Variants in ARMC2 observed in about 807,000 individuals in gnomAD.
The protein encoded by ARMC2 is armadillo repeat containing 2.
In ARMC2, 67 loss-of-function variants were observed where a neutral mutation model predicts 90.3. The observed-to-expected ratio is 0.74, with a 90% CI of 0.61 to 0.91. The LOEUF is 0.91. Among genes scored for constraint, ARMC2 ranks in the 40% least tolerant of loss-of-function variants. The pLI, the probability that ARMC2 is intolerant of heterozygous loss-of-function variation, is 0.00. For synonymous variants in ARMC2, 393 were observed against 393.0 expected (o/e 1.00, Z 0.00); for missense variants, 920 against 1,030.9 (o/e 0.89, Z 1.47).
chr6:108,955,133 A>T (rs947323760), intron 13 of ARMC2, among the ~76,000 whole-genome samples: 2 of 152,330 alleles, frequency 1.3e-5, no homozygotes, highest in Admixed American at 6.5e-5. Context: ...CTCCAAATAC[A>T]GTCACATTGA....
the ARMC2 span, among the ~76,000 whole-genome samples, chr6:108,997,907 T>C: frequency 6.6e-6 from 1 of 152,124 alleles, no homozygotes; most frequent in Non-Finnish European, 1.5e-5. Flanking sequence ...TTGCTCTGTT[T>C]CAAAGGAGTA....
At chr6:108,862,105 A>T (rs1286603729) in intron 3 of ARMC2, among the ~76,000 whole-genome samples, 1 of 152,090 alleles carries the variant, frequency 6.6e-6, no homozygotes, top group Non-Finnish European at 1.5e-5. Context: ...GCATTTTGGG[A>T]GGCTGAAGTG....
In ARMC2 at chr6:108,974,273, T is replaced by C. The variant is rs1301980318; in HGVS notation, c.*759T>C. 2 of 152,238 alleles carry C rather than the reference T, an allele frequency of 1.3e-5. No individual in the cohort carries two copies. Among genetic ancestry groups the C allele is most frequent in the Non-Finnish European group, 2.9e-5 (2 of 68,040 alleles). The allele number at this position is 152,238 out of a possible 1,614,324, so 9.4% of individuals were successfully genotyped here. On this transcript the variant is annotated 3_prime_UTR_variant, in exon 18 of 18. Coordinates refer to ENST00000392644, the MANE Select transcript of ARMC2 (RefSeq NM_032131.6). Reference sequence around the variant, plus strand: ...TGTGGGCCTGGAGCAAGTAACTTAATTTCTTGAGCTGCAACTGCAAAATGG... The same window carrying C: ...TGTGGGCCTGGAGCAAGTAACTTAACTTCTTGAGCTGCAACTGCAAAATGG...
chr6:108,991,199 G>A, the ARMC2 span, among the ~76,000 whole-genome samples: 1 of 151,802 alleles, frequency 6.6e-6, no homozygotes, highest in Non-Finnish European at 1.5e-5. Flanking sequence ...TTCCATTGCT[G>A]CAGCCATTCA....
At chr6:108,950,571 G>A (rs143039114) in intron 12 of ARMC2, among the ~76,000 whole-genome samples, 1,870 of 152,234 alleles carry the variant, frequency 0.012, 8 homozygotes, top group Middle Eastern at 0.041. Flanking sequence ...GGAGCTAAAC[G>A]ATGAGAACTC....
At chr6:108,869,149 T>G (rs1268959454) in intron 4 of ARMC2, among the ~76,000 whole-genome samples, 154 bp downstream of exon 4, 2 of 152,220 alleles carry the variant, frequency 1.3e-5, no homozygotes, top group Non-Finnish European at 2.9e-5. Context: ...TAAGAAACAT[T>G]GTTCATATAT....
At chr6:108,951,925 G>A (rs754472225) in intron 12 of ARMC2, among the ~76,000 whole-genome samples, 19 of 152,216 alleles carry the variant, frequency 1.2e-4, no homozygotes, top group Admixed American at 2.6e-4. Context: ...AAAAGTACAC[G>A]ACACCCTGTG....
intron 17 of ARMC2, among the ~76,000 whole-genome samples, chr6:108,965,578 G>A (rs1778306587): frequency 6.6e-6 from 1 of 152,022 alleles, no homozygotes; most frequent in Non-Finnish European, 1.5e-5. Flanking sequence ...GAGACTATTT[G>A]GCATTACAAT....
chr6:108,952,884 T>A (rs1390671031), intron 12 of ARMC2, 149 bp from the exon 13 acceptor site: 1 of 767,552 alleles, frequency 1.3e-6, no homozygotes, highest in African/African-American at 1.8e-5. Flanking sequence ...GCACTGATCT[T>A]GAGAATCAAA....
chr6:108,977,892 CTTCT>C (rs1239104793), downstream of ARMC2, among the ~76,000 whole-genome samples: 7 of 151,932 alleles, frequency 4.6e-5, no homozygotes, highest in African/African-American at 1.5e-4. Flanking sequence ...TCTCTTTATT[CTTCT>C]TTATTAGTCT....
chr6:109,050,823 CT>C, the ARMC2 span, among the ~76,000 whole-genome samples: 1 of 152,180 alleles, frequency 6.6e-6, no homozygotes, highest in African/African-American at 2.4e-5. Context: ...ACTAGCATCC[CT>C]TCCTTTCCAT....
intron 4 of ARMC2, among the ~76,000 whole-genome samples, chr6:108,874,951 G>C (rs1394641699): frequency 6.6e-6 from 1 of 152,106 alleles, no homozygotes; most frequent in East Asian, 1.9e-4. Flanking sequence ...GTTATTATTA[G>C]TTTTTATTGG....
chr6:108,987,508 GATCATTCCAGA>G, the ARMC2 span: 1 of 1,195,766 alleles, frequency 8.4e-7, no homozygotes, highest in Non-Finnish European at 1.2e-6. Flanking sequence ...TATATCTGCT[GATCATTCCAGA>G]ATCATCTTTA....
the ARMC2 span, among the ~76,000 whole-genome samples, chr6:109,051,208 C>T: frequency 6.6e-6 from 1 of 151,610 alleles, no homozygotes; most frequent in Non-Finnish European, 1.5e-5. Flanking sequence ...TGGTTTAAAA[C>T]TTCTTTTGGA....
chr6:108,963,026 A>G (rs1273858556), intron 15 of ARMC2, among the ~76,000 whole-genome samples: 1 of 152,204 alleles, frequency 6.6e-6, no homozygotes, highest in African/African-American at 2.4e-5. Context: ...TTAAAAATTA[A>G]AAAAGGACAG....
intron 8 of ARMC2, among the ~76,000 whole-genome samples, chr6:108,910,352 C>T (rs547929739): frequency 1.3e-5 from 2 of 152,176 alleles, no homozygotes; most frequent in East Asian, 1.9e-4. Context: ...GCTGCTCTGG[C>T]GGCTGAGGCA....
intron 13 of ARMC2, among the ~76,000 whole-genome samples, chr6:108,957,057 C>G (rs1777637547): frequency 6.6e-6 from 1 of 152,184 alleles, no homozygotes; most frequent in Admixed American, 6.5e-5. Flanking sequence ...GTTTTAGTCT[C>G]TGTATTAGAG....
chr6:108,857,300 C>G (rs1774735435), intron 2 of ARMC2, among the ~76,000 whole-genome samples: 1 of 152,128 alleles, frequency 6.6e-6, no homozygotes, highest in Admixed American at 6.5e-5. Context: ...AGATTTATAA[C>G]TAAATATTTA....
intron 11 of ARMC2, 98 bp downstream of exon 11, chr6:108,928,331 T>C: frequency 1.6e-6 from 2 of 1,234,666 alleles, no homozygotes. Context: ...AAGGAATCCT[T>C]TTCCTTCTTT....
Sources: gnomAD v4.1 joint callset for allele counts (sites outside exome capture counted in the v4.1 genomes callset) on GRCh38, gnomAD v4.1.1 for gene constraint, MANE v1.5 for transcripts, NCBI Gene and HGNC (gene_info 2026-07-23, HGNC 2026-07-21) for gene names.